Variants in CD300A observed in about 807,000 individuals in gnomAD.
CD300A encodes CMRF35-like molecule 8.
In CD300A, 22 loss-of-function variants were observed where a neutral mutation model predicts 33.6. That is an observed-to-expected ratio of 0.66 (90% CI 0.47 to 0.94). The LOEUF is 0.94. Ranked by LOEUF, CD300A falls within the 40% of genes least tolerant of loss-of-function variation. The pLI is 0.00. For synonymous variants in CD300A, 136 were observed against 148.1 expected (o/e 0.92, Z 0.59); for missense variants, 326 against 360.5 (o/e 0.90, Z 0.77).
chr17:74,467,889 C>A (rs1905827842), intron 1 of CD300A, among the ~76,000 whole-genome samples: 1 of 151,990 alleles, frequency 6.6e-6, no homozygotes, highest in African/African-American at 2.4e-5. Flanking sequence ...GGAGTGAGGC[C>A]CAGCGGACAT....
At chr17:74,466,855 G>T (rs1905744302) in intron 1 of CD300A, 112 bp downstream of exon 1, 13 of 1,537,984 alleles carry the variant, frequency 8.5e-6, no homozygotes, top group Non-Finnish European at 1.1e-5. Context: ...CGTGCAGAAC[G>T]CAGAATGCGG....
At chr17:74,481,410 C>G (rs1906837812) in intron 5 of CD300A, 84 bp downstream of exon 5, 1 of 1,296,782 alleles carries the variant, frequency 7.7e-7, no homozygotes, top group Non-Finnish European at 1.1e-6. Context: ...TCCCATCGGC[C>G]AACGGAGGTT....
chr17:74,473,999 G>A, intron 2 of CD300A, 125 bp downstream of exon 2: 1 of 1,110,490 alleles, frequency 9.0e-7, no homozygotes, highest in Non-Finnish European at 1.3e-6. Flanking sequence ...AGAGGTGGGG[G>A]CCAGGGGAAC....
rs1201032566 is a variant in CD300A, at chr17:74,473,848, T to G, written c.353T>G (p.Val118Gly). The change falls in exon 2 of 7, where the codon GTC becomes GGC. Residue 118 changes from valine (V) to glycine (G), a missense_variant. Coordinates refer to ENST00000360141, the MANE Select transcript of CD300A (RefSeq NM_007261.4). ...PWLRDFHDPV[V>G]EVEVSVFPAS... ...CTCCGAGACTTTCATGATCCCGTTG[T>G]CGAGGTTGAGGTGTCCGTGTTCCCG... 1 of 1,612,888 alleles carries G rather than the reference T, an allele frequency of 6.2e-7. No homozygotes were observed. Among genetic ancestry groups the G allele is most frequent in the Non-Finnish European group, 8.5e-7 (1 of 1,178,924 alleles).
At chr17:74,467,102 A>T in intron 1 of CD300A, 1 of 758,522 alleles carries the variant, frequency 1.3e-6, no homozygotes, top group Non-Finnish European at 1.6e-6. Context: ...ACTGACTGCG[A>T]GGGGCATGTG....
At position 74,481,844 on chromosome 17, in the gene CD300A, G is replaced by T; in HGVS notation, c.774+11G>T. On this transcript the variant is annotated intron_variant, in intron 6 of 6. Transcript: ENST00000360141. ...GAATACAGCACTGTGGTAAGTGCAG[G>T]AGCCCGGCTTTTGGGCATGCGGCCC... 1 of 1,597,352 alleles carries T rather than the reference G, an allele frequency of 6.3e-7. No homozygotes were observed. Among genetic ancestry groups the T allele is most frequent in the Non-Finnish European group, 8.5e-7 (1 of 1,170,320 alleles).
At chr17:74,470,169 G>A in intron 1 of CD300A, 1 of 985,450 alleles carries the variant, frequency 1.0e-6, no homozygotes, top group Non-Finnish European at 1.2e-6. Flanking sequence ...GTTTGGGGTG[G>A]TGATTCAGGT....
chr17:74,475,842 T>C (rs1263055457), intron 3 of CD300A, among the ~76,000 whole-genome samples: 1 of 152,188 alleles, frequency 6.6e-6, no homozygotes, highest in Non-Finnish European at 1.5e-5. Flanking sequence ...CCAGGTTCAA[T>C]AATTTGTTAG....
chr17:74,466,821 ACGAGACGCCC>A, intron 1 of CD300A, 78 bp downstream of exon 1: 1 of 1,549,902 alleles, frequency 6.5e-7, no homozygotes, highest in Non-Finnish European at 8.7e-7. Flanking sequence ...CAGGTATCAC[ACGAGACGCCC>A]CGAGTCTGGA....
rs779562299 is a variant in CD300A, at chr17:74,477,451, C to A, written c.549C>A (p.Leu183=). Residue 183 remains leucine, a synonymous_variant, in exon 4 of 7, where the codon CTC becomes CTA. Coordinates refer to ENST00000360141, the MANE Select transcript of CD300A (RefSeq NM_007261.4). The part of the protein sequence containing the change: ...EVVNSQLPLL[L]SLLALLLLLL... ...CCTCCTCCAGGCTCCCGCTGCTCCT[C>A]TCCCTGCTGGCATTGTTGCTGCTTC... 18 of 1,613,644 alleles carry A rather than the reference C, an allele frequency of 1.1e-5. No individual in the cohort carries two copies. Among genetic ancestry groups the A allele is most frequent in the Non-Finnish European group, 1.2e-5 (14 of 1,179,832 alleles).
At position 74,480,959 on chromosome 17, in the gene CD300A, G is replaced by A. The variant is rs1906801507; in HGVS notation, c.629-330G>A. Among the ~76,000 whole-genome samples, 1 of 152,218 alleles carries A rather than the reference G, an allele frequency of 6.6e-6. No homozygotes were observed. Among genetic ancestry groups the A allele is most frequent in the African/African-American group, 2.4e-5 (1 of 41,532 alleles). ...AGACAGGGTTTCACCCTATTGGCCC[G>A]GCTGGTCTCGAACTCCTGACCTCAA... On this transcript the variant is annotated intron_variant, in intron 4 of 6. Transcript: ENST00000360141. This position sits in a 1 kb window ranked among gnomAD's most constrained non-coding sequence, Gnocchi z 4.2.
intron 1 of CD300A, among the ~76,000 whole-genome samples, chr17:74,470,819 T>G (rs1906049976): frequency 1.3e-5 from 2 of 151,346 alleles, no homozygotes; most frequent in Admixed American, 1.3e-4. Flanking sequence ...TGGCTAATTT[T>G]TTGTGTTTTT....
chr17:74,474,113 G>T (rs1219300811), intron 2 of CD300A, among the ~76,000 whole-genome samples: 1 of 152,070 alleles, frequency 6.6e-6, no homozygotes, highest in Non-Finnish European at 1.5e-5. Flanking sequence ...CTGTGAAGGA[G>T]CCAGGAGCGC....
chr17:74,473,640 T>G lies in CD300A; in HGVS notation c.145T>G (p.Trp49Gly). The change falls in exon 2 of 7, where the codon TGG becomes GGG. Residue 49 changes from tryptophan (W) to glycine (G), a missense_variant. Physicochemically the swap from Trp to Gly is radical, Grantham distance 184. Coordinates refer to ENST00000360141, the MANE Select transcript of CD300A (RefSeq NM_007261.4). ...EKEHRTLNKYWCRPPQIFLCD... is the reference protein window; with the variant it reads ...EKEHRTLNKYGCRPPQIFLCD... The stretch of plus-strand genomic sequence containing the variant: ...GGAACACAGGACCCTCAACAAATAC[T>G]GGTGCAGACCACCACAGATTTTCCT... 3 of 1,614,204 alleles carry G rather than the reference T, an allele frequency of 1.9e-6. No individual in the cohort carries two copies. Among genetic ancestry groups the G allele is most frequent in the Non-Finnish European group, 2.5e-6 (3 of 1,180,036 alleles).
Position 74,473,803 on chromosome 17 carries a change from G to A in CD300A, c.308G>A (p.Cys103Tyr), listed in dbSNP as rs373168457. ...GAGGAGGATGCAGGCACCTACTGGT[G>A]TGGGGTGGATACACCATGGCTCCGA... The part of the protein sequence containing the change: ...LTEEDAGTYW[C>Y]GVDTPWLRDF... Residue 103 changes from cysteine (C) to tyrosine (Y), a missense_variant, in exon 2 of 7, where the codon TGT (cysteine) becomes TAT (tyrosine). By Grantham distance (194) the Cys-to-Tyr change is radical (BLOSUM62 -2). Transcript: ENST00000360141. The A allele has an allele frequency of 8.7e-6, 14 of 1,614,140 alleles. No individual in the cohort carries two copies. The highest frequency in any genetic ancestry group is 2.2e-5 in the East Asian group (1 of 44,898).
intron 3 of CD300A, 31 bp downstream of exon 3, chr17:74,474,716 G>A (rs1906350130): frequency 1.2e-6 from 2 of 1,611,208 alleles, no homozygotes; most frequent in Admixed American, 1.7e-5. Context: ...GACATGGAGG[G>A]GGCCCTGTGC....
At chr17:74,470,730 C>A (rs947578245) in intron 1 of CD300A, among the ~76,000 whole-genome samples, 1 of 151,996 alleles carries the variant, frequency 6.6e-6, no homozygotes, top group African/African-American at 2.4e-5. Flanking sequence ...CTCACTGCAA[C>A]CTCCACCTCC....
intron 6 of CD300A, among the ~76,000 whole-genome samples, chr17:74,483,698 G>A (rs537615659): frequency 2.0e-5 from 3 of 152,290 alleles, no homozygotes; most frequent in Non-Finnish European, 4.4e-5. Context: ...GTGTCTTGGG[G>A]GAGCCCAGCC....
upstream of CD300A, chr17:74,466,632 G>A: frequency 6.6e-7 from 1 of 1,509,896 alleles, no homozygotes; most frequent in Non-Finnish European, 9.0e-7. Flanking sequence ...GGCCTTGGAG[G>A]CGTGACTTTC....
Sources: allele counts gnomAD v4.1 joint callset (sites outside exome capture counted in the v4.1 genomes callset), GRCh38; gene constraint gnomAD v4.1.1; non-coding constraint Gnocchi (gnomAD v3.1); transcripts MANE v1.5; gene names NCBI Gene and HGNC (gene_info 2026-07-23, HGNC 2026-07-21).